CCDC142: variants seen among roughly 807,000 people sequenced by gnomAD.
The protein encoded by CCDC142 is coiled-coil domain containing 142.
A neutral mutation model predicts 83.8 loss-of-function variants in CCDC142; 67 were observed. The observed-to-expected ratio is 0.80, with a 90% CI of 0.66 to 0.98. The LOEUF (loss-of-function observed/expected upper bound fraction) is 0.98. Ranked by LOEUF, CCDC142 falls within the 50% of genes least tolerant of loss-of-function variation. The probability of loss-of-function intolerance (pLI) is 0.00; values close to 1 mark genes in which losing one functional copy is unlikely to be tolerated. For missense variants in CCDC142, 905 were observed against 946.8 expected (o/e 0.96, Z 0.58); for synonymous variants, 421 against 421.2 (o/e 1.00, Z 0.01).
intron 3 of CCDC142, 26 bp downstream of exon 3, chr2:74,481,197 T>A: frequency 6.2e-7 from 1 of 1,613,552 alleles, no homozygotes; most frequent in Non-Finnish European, 8.5e-7. Context: ...CTGCTCTGTG[T>A]CCCCAGCCCC....
intron 6 of CCDC142, 84 bp downstream of exon 6, chr2:74,475,528 G>GT: frequency 4.8e-6 from 7 of 1,454,256 alleles, no homozygotes; most frequent in Non-Finnish European, 5.7e-6. Context: ...GATGGAGACA[G>GT]TGGAGGGGAA....
rs774851070 is a variant in CCDC142 at position 74,475,644 on chromosome 2, C to T, written c.1586G>A (p.Arg529Gln). 10 of 1,613,920 alleles carry T rather than the reference C, an allele frequency of 6.2e-6. No individual in the cohort carries two copies. The highest frequency in any genetic ancestry group is 3.3e-5 in the South Asian group (3 of 91,082). ...AMQGFKLYMPRGRYWRLRLCP... is the reference protein window; with the variant it reads ...AMQGFKLYMPQGRYWRLRLCP... ...GAGACGAAGCCGCCAGTACCGACCC[C>T]GTGGCATGTAGAGCTTGAAACCTTG... The change falls in exon 6 of 9, where the codon CGG (arginine) becomes CAG (glutamine). Residue 529 changes from arginine (R) to glutamine (Q), a missense_variant. Arg to Gln is a conservative substitution (Grantham distance 43, BLOSUM62 1). Transcript: ENST00000393965.
Position 74,482,234 on chromosome 2 carries a change from G to GT in CCDC142, c.603dup (p.Leu202ThrfsTer147), listed in dbSNP as rs1392551848. The stretch of plus-strand genomic sequence containing the variant: ...GGAAGTGCAAAGAGCAGCTCGGCGA[G>GT]TTGGGACGACAGGCCCGGGCTGGCG... On this transcript the variant is annotated frameshift_variant, in exon 1 of 9. Transcript: ENST00000393965. LOFTEE classifies it high-confidence loss of function. This position sits in a 1 kb window ranked among gnomAD's most constrained non-coding sequence, Gnocchi z 5.0. The GT allele has an allele frequency of 6.2e-7, 1 of 1,613,316 alleles. No homozygotes were observed. Among genetic ancestry groups the GT allele is most frequent in the Non-Finnish European group, 8.5e-7 (1 of 1,179,914 alleles).
rs1672579051 is a variant in CCDC142 at position 74,482,793 on chromosome 2, G to C, written c.45C>G (p.Ile15Met). 6.2e-7 allele frequency: 1 copy of C among 1,600,200 alleles called. No individual in the cohort carries two copies. Among genetic ancestry groups the C allele is most frequent in the African/African-American group, 1.3e-5 (1 of 75,072 alleles). The change falls in exon 1 of 9, where the codon ATC becomes ATG. Residue 15 changes from isoleucine (I) to methionine (M), a missense_variant. This residue lies in a region of CCDC142 where 591 missense variants were observed against 571.4 expected (regional missense o/e 1.03). Transcript: ENST00000393965. The surrounding 1 kb of genome is among the most constrained non-coding windows in gnomAD (Gnocchi z 5.0). ...SRSGSLPPLV[I>M]VPPLRAQPGG... ...CGGGTTGCGCCCTCAGCGGGGGCAC[G>C]ATAACGAGTGGAGGCAGGCTACCTG... is the stretch of plus-strand genomic sequence containing the variant.
intron 5 of CCDC142, among the ~76,000 whole-genome samples, chr2:74,479,769 A>G (rs1046739333): frequency 2.0e-5 from 3 of 151,992 alleles, no homozygotes; most frequent in African/African-American, 7.2e-5. Context: ...AAATTTTTTA[A>G]TTTTTGGAGA....
chr2:74,482,725 C>G lies in CCDC142; in HGVS notation c.113G>C (p.Gly38Ala). ...EEQWERSRTGGLRWEVHCWPS... is the reference protein window; with the variant it reads ...EEQWERSRTGALRWEVHCWPS... ...CCAGCAGTGAACCTCCCAGCGAAGA[C>G]CGCCCGTTCGACTTCTCTCCCACTG... The change falls in exon 1 of 9, where the codon GGT becomes GCT. Residue 38 changes from glycine to alanine, a missense_variant. Physicochemically the swap from Gly to Ala is moderately conservative, Grantham distance 60 (BLOSUM62 0). This residue lies in a region of CCDC142 where 591 missense variants were observed against 571.4 expected (regional missense o/e 1.03). Coordinates refer to ENST00000393965, the MANE Select transcript of CCDC142 (RefSeq NM_001365575.2). The surrounding 1 kb of genome is among the most constrained non-coding windows in gnomAD (Gnocchi z 5.0). The G allele has an allele frequency of 6.2e-7, 1 of 1,605,156 alleles. No individual in the cohort carries two copies. The highest frequency in any genetic ancestry group is 1.1e-5 in the South Asian group (1 of 91,088).
At position 74,482,695 on chromosome 2, in the gene CCDC142, C is replaced by G. The variant is rs1219879372; in HGVS notation, c.143G>C (p.Ser48Thr). 6.2e-7 allele frequency: 1 copy of G among 1,609,550 alleles called. No individual in the cohort carries two copies. Residue 48 changes from serine (S) to threonine (T), a missense_variant, in exon 1 of 9, where the codon AGC (serine) becomes ACC (threonine). Physicochemically the swap from Ser to Thr is moderately conservative, Grantham distance 58 (BLOSUM62 1). Transcript: ENST00000393965. The surrounding 1 kb of genome is among the most constrained non-coding windows in gnomAD (Gnocchi z 5.0). ...CCACGGCGTCCCTCCAGAAGTTCCG[C>G]TCGGCCAGCAGTGAACCTCCCAGCG... Reference protein sequence around the residue: ...GLRWEVHCWPSGTSGGTPWWP... With the variant: ...GLRWEVHCWPTGTSGGTPWWP...
At chr2:74,475,195 C>T (rs1672293355) in intron 7 of CCDC142, 30 bp downstream of exon 7, 12 of 1,613,878 alleles carry the variant, frequency 7.4e-6, no homozygotes, top group South Asian at 1.1e-5. Context: ...GTTCCATTCA[C>T]CCCCTGCCAC....
In CCDC142 at chr2:74,482,861, C is replaced by G. The variant is rs746445977; in HGVS notation, c.-24G>C. 6.3e-7 allele frequency: 1 copy of G among 1,588,118 alleles called. No homozygotes were observed. Among genetic ancestry groups the G allele is most frequent in the East Asian group, 2.2e-5 (1 of 44,814 alleles). On this transcript the variant is annotated 5_prime_UTR_variant, in exon 1 of 9. An upstream open reading frame in the 5' UTR loses its in-frame stop. Transcript: ENST00000393965. This position sits in a 1 kb window ranked among gnomAD's most constrained non-coding sequence, Gnocchi z 5.0. Reference sequence around the variant, plus strand: ...ATGGGGCGGCGGGTCCAGAACGAACCTAACGATTCCCACTTCCCTGCACGG... The same window carrying G: ...ATGGGGCGGCGGGTCCAGAACGAACGTAACGATTCCCACTTCCCTGCACGG...
In CCDC142 at chr2:74,482,787, G is replaced by C; in HGVS notation, c.51C>G (p.Pro17=). 6.2e-7 allele frequency: 1 copy of C among 1,600,370 alleles called. No homozygotes were observed. The highest frequency in any genetic ancestry group is 1.1e-5 in the South Asian group (1 of 91,086). Residue 17 remains proline (P), a synonymous_variant, in exon 1 of 9, where the codon CCC becomes CCG. Transcript: ENST00000393965. The surrounding 1 kb of genome is among the most constrained non-coding windows in gnomAD (Gnocchi z 5.0). ...SGSLPPLVIV[P]PLRAQPGGTG... is the part of the protein sequence containing the mutation. ...TGCCCCCGGGTTGCGCCCTCAGCGG[G>C]GGCACGATAACGAGTGGAGGCAGGC...
Position 74,472,857 on chromosome 2 carries a change from G to T in CCDC142, c.*1689C>A, listed in dbSNP as rs548909444. Reference sequence around the variant, plus strand: ...TGGTTTCGGCACAACGCATGGGGGAGCCCAAAGTAGGCTGTCAGCAAATAC... The same window carrying T: ...TGGTTTCGGCACAACGCATGGGGGATCCCAAAGTAGGCTGTCAGCAAATAC... On this transcript the variant is annotated 3_prime_UTR_variant, in exon 9 of 9. Coordinates refer to ENST00000393965, the MANE Select transcript of CCDC142 (RefSeq NM_001365575.2). The T allele has an allele frequency of 8.2e-6, 5 of 613,284 alleles. No individual in the cohort carries two copies. The highest frequency in any genetic ancestry group is 3.9e-5 in the South Asian group (2 of 51,260). The allele number at this position is 613,284 out of a possible 1,614,324, so 38.0% of individuals were successfully genotyped here.
chr2:74,474,749 G>A lies in CCDC142; in HGVS notation c.2050C>T (p.Leu684=). ...TGGAGCGGGGGCTCCAAGCTCTCCA[G>A]GCTATTGAGGCAGCTGCTGGGCAAT... The part of the protein sequence containing the change: ...TKLPSSCLNS[L]ESLEPPLQPG... The change falls in exon 9 of 9, where the codon CTG becomes TTG. Residue 684 remains leucine (L), a synonymous_variant. Coordinates refer to ENST00000393965, the MANE Select transcript of CCDC142 (RefSeq NM_001365575.2). The A allele has an allele frequency of 6.2e-7, 1 of 1,613,820 alleles. No homozygotes were observed. The highest frequency in any genetic ancestry group is 8.5e-7 in the Non-Finnish European group (1 of 1,179,752).
chr2:74,475,017 AGGGTCTGGCGGAGATCAG>A lies in CCDC142; in HGVS notation c.1877_1894del (p.Pro626_Thr631del). 6.2e-7 allele frequency: 1 copy of A among 1,614,094 alleles called. No individual in the cohort carries two copies. Among genetic ancestry groups the A allele is most frequent in the Non-Finnish European group, 8.5e-7 (1 of 1,179,982 alleles). ...CTGCTGGAAGATGCTGAGCATGAGC[AGGGTCTGGCGGAGATCAG>A]GGGACAGGCTCCACTGCTCCTCTTC... On this transcript the variant is annotated inframe_deletion, in exon 8 of 9. Coordinates refer to ENST00000393965, the MANE Select transcript of CCDC142 (RefSeq NM_001365575.2).
chr2:74,476,209 G>T (rs1217935477), intron 5 of CCDC142, among the ~76,000 whole-genome samples: 1 of 152,102 alleles, frequency 6.6e-6, no homozygotes, highest in Non-Finnish European at 1.5e-5. Context: ...GTCTTGCTGT[G>T]TCGCCCAGAC....
chr2:74,478,096 C>G lies in CCDC142; in HGVS notation c.1504-2370G>C, dbSNP rs1363454416. Among the ~76,000 whole-genome samples the G allele has an allele frequency of 2.7e-5, 4 of 146,886 alleles. No homozygotes were observed. The South Asian group carries it at 6.4e-4, about 23-fold the overall frequency. On this transcript the variant is annotated intron_variant, in intron 5 of 8. Transcript: ENST00000393965. ...TACTTTTTTTTTTTTGAGTCTCACT[C>G]TGTTGCCCAGGCTGGAATGCAATGG... is the stretch of plus-strand genomic sequence containing the variant.
chr2:74,482,153 G>A lies in CCDC142; in HGVS notation c.685C>T (p.Pro229Ser). 6.2e-7 allele frequency: 1 copy of A among 1,613,766 alleles called. No individual in the cohort carries two copies. The highest frequency in any genetic ancestry group is 8.5e-7 in the Non-Finnish European group (1 of 1,179,954). Residue 229 changes from proline to serine, a missense_variant, in exon 1 of 9, where the codon CCT (proline) becomes TCT (serine). Pro to Ser is a moderately conservative substitution (Grantham distance 74). This residue lies in a region of CCDC142 where 591 missense variants were observed against 571.4 expected (regional missense o/e 1.03). Coordinates refer to ENST00000393965, the MANE Select transcript of CCDC142 (RefSeq NM_001365575.2). The surrounding 1 kb of genome is among the most constrained non-coding windows in gnomAD (Gnocchi z 5.0). ...CGGAGCACACGGGACGTGGGGAAAGGACGTGCGGCCCCTGGGACGTGGCTC... is the reference window on the plus strand; with the variant it reads ...CGGAGCACACGGGACGTGGGGAAAGAACGTGCGGCCCCTGGGACGTGGCTC... ...ALSHVPGAAR[P>S]FPTSRVLRLL... is the part of the protein sequence containing the mutation.
At chr2:74,476,398 C>G (rs1672327569) in intron 5 of CCDC142, among the ~76,000 whole-genome samples, 1 of 152,144 alleles carries the variant, frequency 6.6e-6, no homozygotes, top group Non-Finnish European at 1.5e-5. Flanking sequence ...GTCTCAAACT[C>G]CTGATCTCAG....
intron 5 of CCDC142, 95 bp from the exon 6 acceptor site, chr2:74,475,821 C>G: frequency 2.6e-6 from 2 of 760,666 alleles, no homozygotes; most frequent in Admixed American, 5.1e-5. Context: ...TCCATAAAAC[C>G]CCAGAATTGT....
chr2:74,479,254 C>A (rs1000687841), intron 5 of CCDC142, among the ~76,000 whole-genome samples: 1 of 151,888 alleles, frequency 6.6e-6, no homozygotes, highest in Non-Finnish European at 1.5e-5. Context: ...AGCAGCAAGA[C>A]ACTGTGGGTA....
Sources: allele counts gnomAD v4.1 joint callset (sites outside exome capture counted in the v4.1 genomes callset), GRCh38; gene constraint gnomAD v4.1.1; regional missense constraint gnomAD v4.1.1; non-coding constraint Gnocchi (gnomAD v3.1); transcripts MANE v1.5; gene names NCBI Gene and HGNC (gene_info 2026-07-23, HGNC 2026-07-21).